Variants in PDE3B observed in about 807,000 individuals in gnomAD.
PDE3B encodes the protein cGMP-inhibited 3',5'-cyclic phosphodiesterase 3B.
A neutral mutation model predicts 116.8 loss-of-function variants in PDE3B; 66 were observed. The ratio of observed to expected loss-of-function variants is 0.56; its 90% CI spans 0.46 to 0.69. PDE3B has a LOEUF of 0.69. Among genes scored for constraint, PDE3B ranks in the 30% least tolerant of loss-of-function variants. PDE3B has a pLI of 0.00. For missense variants in PDE3B, 1,384 were observed against 1,368.1 expected (o/e 1.01, Z -0.18); for synonymous variants, 595 against 533.6 (o/e 1.12, Z -1.59).
At chr11:14,795,472 T>C (rs1240444488) in intron 4 of PDE3B, among the ~76,000 whole-genome samples, 2 of 152,218 alleles carry the variant, frequency 1.3e-5, no homozygotes, top group Admixed American at 6.5e-5. Flanking sequence ...CATTGAGGTG[T>C]GTATTTATCT....
At chr11:14,830,366 G>A (rs1035145914) in intron 7 of PDE3B, among the ~76,000 whole-genome samples, 9 of 152,080 alleles carry the variant, frequency 5.9e-5, no homozygotes, top group African/African-American at 2.2e-4. Context: ...AAAACTCAGA[G>A]ATGTTGGAAA....
intron 1 of PDE3B, chr11:14,674,102 T>A: frequency 6.6e-7 from 1 of 1,526,138 alleles, no homozygotes; most frequent in Non-Finnish European, 9.1e-7. Context: ...TCAACTCTGT[T>A]CATGAATGTT....
chr11:14,846,605 C>A (rs1847608240), intron 12 of PDE3B, among the ~76,000 whole-genome samples: 1 of 152,122 alleles, frequency 6.6e-6, no homozygotes, highest in South Asian at 2.1e-4. Context: ...ATCTCATGTG[C>A]AGAGACACAC....
chr11:14,897,568 C>T, the PDE3B span, among the ~76,000 whole-genome samples: 1 of 152,188 alleles, frequency 6.6e-6, no homozygotes, highest in African/African-American at 2.4e-5. Context: ...TCATCACACT[C>T]AGATCATGTT....
intron 5 of PDE3B, among the ~76,000 whole-genome samples, chr11:14,812,359 C>T (rs1859168330): frequency 1.3e-5 from 2 of 152,032 alleles, no homozygotes; most frequent in South Asian, 4.1e-4. Flanking sequence ...TGCAGAAAAT[C>T]CTCAAATTAT....
chr11:14,691,105 A>G (rs1377990739), intron 1 of PDE3B, among the ~76,000 whole-genome samples: 1 of 152,198 alleles, frequency 6.6e-6, no homozygotes, highest in East Asian at 1.9e-4. Flanking sequence ...GGAGTGTTCT[A>G]AATAGTAGAA....
At chr11:14,721,110 C>G (rs1856058987) in intron 1 of PDE3B, among the ~76,000 whole-genome samples, 1 of 148,638 alleles carries the variant, frequency 6.7e-6, no homozygotes, top group South Asian at 2.2e-4. Flanking sequence ...AAAAAGTGGG[C>G]AAAGGACATG....
chr11:14,667,303 A>G (rs1854194102), intron 1 of PDE3B, among the ~76,000 whole-genome samples: 1 of 150,666 alleles, frequency 6.6e-6, no homozygotes, highest in South Asian at 2.1e-4. Context: ...GGGAGTGGGG[A>G]GGGATAGCAT....
intron 1 of PDE3B, among the ~76,000 whole-genome samples, chr11:14,690,437 T>TG (rs1385905508): frequency 6.6e-6 from 1 of 152,160 alleles, no homozygotes; most frequent in Non-Finnish European, 1.5e-5. Flanking sequence ...GAAGAGGTGA[T>TG]AACAAAAGTT....
intron 2 of PDE3B, among the ~76,000 whole-genome samples, chr11:14,785,530 C>G (rs1858161728): frequency 6.6e-6 from 1 of 151,640 alleles, no homozygotes; most frequent in Admixed American, 6.6e-5. Flanking sequence ...GCAAACATAC[C>G]CAAATGTAAG....
In PDE3B at chr11:14,644,656, C is replaced by T; in HGVS notation, c.581C>T (p.Ala194Val). 6.7e-7 allele frequency: 1 copy of T among 1,498,554 alleles called. No individual in the cohort carries two copies. 92.8% of individuals were successfully genotyped at this position (1,498,554 alleles called of 1,614,324 possible). A position where few individuals can be genotyped will look rare whatever the true frequency, so the allele number is the denominator to read the frequency against. The change falls in exon 1 of 16, where the codon GCG becomes GTG. Residue 194 changes from alanine (A) to valine (V), a missense_variant. Ala to Val is a moderately conservative substitution (Grantham distance 64, BLOSUM62 0). Transcript: ENST00000282096. ...AAPHTPPEAA[A>V]GRLLLVLSCV... is the part of the protein sequence containing the mutation. ...CCGCACACGCCCCCGGAGGCGGCAG[C>T]GGGCAGGTTGCTGCTGGTGCTGAGC...
chr11:14,749,995 A>C (rs973353451), intron 1 of PDE3B, among the ~76,000 whole-genome samples: 2 of 144,642 alleles, frequency 1.4e-5, no homozygotes, highest in African/African-American at 5.1e-5. Context: ...GTAAGTTCCA[A>C]TCTGAAAGCT....
At chr11:14,792,073 T>C (rs1419483707) in intron 4 of PDE3B, among the ~76,000 whole-genome samples, 3 of 152,244 alleles carry the variant, frequency 2.0e-5, no homozygotes, top group Admixed American at 2.0e-4. Flanking sequence ...GTTTGTCTAG[T>C]CATTGCATTT....
Position 14,791,345 on chromosome 11 carries a change from A to C in PDE3B, c.1415+2103A>C, listed in dbSNP as rs116714129. 6.1e-3 allele frequency among the ~76,000 whole-genome samples: 921 copies of C among 151,900 alleles called. 6 individuals are homozygous for C. The highest frequency in any genetic ancestry group is 0.021 in the African/African-American group (880 of 41,426). On this transcript the variant is annotated intron_variant, in intron 4 of 15. Coordinates refer to ENST00000282096, the MANE Select transcript of PDE3B (RefSeq NM_000922.4). ...GATTTCAGCATGATTCCGGTGTTGA[A>C]CCTCTCATTTCCTGAGCCTATGCCT...
At chr11:14,663,684 T>A (rs985775183) in intron 1 of PDE3B, among the ~76,000 whole-genome samples, 12 of 152,088 alleles carry the variant, frequency 7.9e-5, no homozygotes, top group Non-Finnish European at 1.3e-4. Context: ...GGCCATTACA[T>A]AAGGGTAAAG....
chr11:14,663,731 A>G (rs1360624576), intron 1 of PDE3B, among the ~76,000 whole-genome samples: 3 of 152,238 alleles, frequency 2.0e-5, no homozygotes, highest in Admixed American at 2.0e-4. Context: ...TATCCTAAAT[A>G]TATATGCACC....
chr11:14,812,973 T>G (rs1293064878), intron 5 of PDE3B, among the ~76,000 whole-genome samples: 3 of 152,098 alleles, frequency 2.0e-5, no homozygotes, highest in Non-Finnish European at 4.4e-5. Flanking sequence ...CTCAAAGAGC[T>G]CTCTAATCCC....
chr11:14,850,275 A>G (rs1434572958), intron 12 of PDE3B, among the ~76,000 whole-genome samples: 9 of 151,348 alleles, frequency 5.9e-5, no homozygotes, highest in East Asian at 2.0e-4. Context: ...AGTCATAGGT[A>G]GGAATTGAAC....
intron 1 of PDE3B, among the ~76,000 whole-genome samples, chr11:14,666,339 AACCTAGGCATT>A (rs1336185853): frequency 6.6e-6 from 1 of 151,340 alleles, no homozygotes; most frequent in Non-Finnish European, 1.5e-5. Flanking sequence ...CCTAGAAGAA[AACCTAGGCATT>A]ACCGTTCAGG....
Sources: allele counts gnomAD v4.1 joint callset (sites outside exome capture counted in the v4.1 genomes callset), GRCh38; gene constraint gnomAD v4.1.1; transcripts MANE v1.5; gene names NCBI Gene and HGNC (gene_info 2026-07-23, HGNC 2026-07-21).